The following MTHFD1L variants were observed in gnomAD, a reference collection of about 807,000 sequenced individuals.
MTHFD1L encodes the protein methylenetetrahydrofolate dehydrogenase (NADP+ dependent) 1 like, also known as monofunctional C1-tetrahydrofolate synthase, mitochondrial.
A neutral mutation model predicts 119.5 loss-of-function variants in MTHFD1L; 81 were observed. The ratio of observed to expected loss-of-function variants is 0.68; its 90% CI spans 0.57 to 0.82. MTHFD1L has a LOEUF of 0.82. MTHFD1L is among the 40% of genes least tolerant of loss of function. The probability of loss-of-function intolerance (pLI) is 0.00; values close to 1 mark genes in which losing one functional copy is unlikely to be tolerated. For synonymous variants in MTHFD1L, 430 were observed against 475.2 expected (o/e 0.90, Z 1.24); for missense variants, 1,125 against 1,253.4 (o/e 0.90, Z 1.55).
At chr6:150,979,222 G>A (rs755631674) in intron 20 of MTHFD1L, among the ~76,000 whole-genome samples, 2 of 152,116 alleles carry the variant, frequency 1.3e-5, no homozygotes, top group Admixed American at 6.6e-5. Flanking sequence ...TGGGCAACAA[G>A]AGCAAAACTC....
chr6:150,926,454 T>G lies in MTHFD1L; in HGVS notation c.1256+159T>G, dbSNP rs1444521923. ...CTTTATTTGGTGTGAGATAAGTTTT[T>G]ATTTTCAGTGCAGAGCAAACTAGTC... is the stretch of plus-strand genomic sequence containing the variant. On this transcript the variant is annotated intron_variant, in intron 11 of 27. Transcript: ENST00000367321. This position sits in a 1 kb window ranked among gnomAD's most constrained non-coding sequence, Gnocchi z 4.3. Among the ~76,000 whole-genome samples, 2 of 152,218 alleles carry G rather than the reference T, an allele frequency of 1.3e-5. No homozygotes were observed. The highest frequency in any genetic ancestry group is 4.8e-5 in the African/African-American group (2 of 41,452).
chr6:150,988,871 G>A (rs373763863), intron 20 of MTHFD1L, among the ~76,000 whole-genome samples: 73 of 152,318 alleles, frequency 4.8e-4, no homozygotes, highest in African/African-American at 1.7e-3. Context: ...CTCCCAAAGC[G>A]CTGGGATTAC....
intron 24 of MTHFD1L, among the ~76,000 whole-genome samples, chr6:151,018,825 A>G (rs925510245): frequency 2.0e-5 from 3 of 152,220 alleles, no homozygotes; most frequent in Admixed American, 2.0e-4. Flanking sequence ...GGAAGGACAC[A>G]GGGAATTAAT....
chr6:151,083,544 G>C (rs1258169035), intron 26 of MTHFD1L, among the ~76,000 whole-genome samples: 1 of 152,046 alleles, frequency 6.6e-6, no homozygotes, highest in African/African-American at 2.4e-5. Context: ...TTATCTTTCT[G>C]GTAATGAATA....
chr6:150,978,108 C>T (rs1776886438), intron 20 of MTHFD1L, among the ~76,000 whole-genome samples: 2 of 152,008 alleles, frequency 1.3e-5, no homozygotes, highest in Non-Finnish European at 2.9e-5. Flanking sequence ...ACCATGTTAG[C>T]CAGGCTGGTC....
At chr6:150,990,905 G>A (rs1009348605) in intron 20 of MTHFD1L, among the ~76,000 whole-genome samples, 2 of 152,140 alleles carry the variant, frequency 1.3e-5, no homozygotes, top group Non-Finnish European at 2.9e-5. Flanking sequence ...ACCCAGGCTG[G>A]AGCGCAGTGG....
At chr6:151,090,855 C>T (rs1434359468) in intron 26 of MTHFD1L, among the ~76,000 whole-genome samples, 1 of 145,710 alleles carries the variant, frequency 6.9e-6, no homozygotes, top group African/African-American at 2.6e-5. Context: ...CTCCATGTGA[C>T]TGGGTGCAGC....
intron 1 of MTHFD1L, among the ~76,000 whole-genome samples, chr6:150,868,434 G>T (rs1430683689): frequency 6.6e-6 from 1 of 151,474 alleles, no homozygotes; most frequent in East Asian, 2.0e-4. Context: ...CCGCCTCCCG[G>T]GTTCAAGCGA....
intron 20 of MTHFD1L, among the ~76,000 whole-genome samples, chr6:150,972,900 G>C (rs1798171202): frequency 6.6e-6 from 1 of 152,134 alleles, no homozygotes; most frequent in African/African-American, 2.4e-5. Flanking sequence ...TTCCTCTTTG[G>C]CTTTTCTTGC....
At chr6:150,872,826 CTTTT>C (rs879609305) in intron 1 of MTHFD1L, among the ~76,000 whole-genome samples, 1 of 141,202 alleles carries the variant, frequency 7.1e-6, no homozygotes. Context: ...CACCCCCCAA[CTTTT>C]TTTTTTTTTT....
chr6:150,946,214 A>G (rs1226897610), intron 15 of MTHFD1L, among the ~76,000 whole-genome samples: 1 of 152,122 alleles, frequency 6.6e-6, no homozygotes, highest in Non-Finnish European at 1.5e-5. Flanking sequence ...CAGTGGCATG[A>G]TCTTGGCTCA....
intron 22 of MTHFD1L, 52 bp from the exon 23 acceptor site, chr6:151,014,815 AGCTTGGCAGGTTT>A: frequency 7.9e-7 from 1 of 1,267,828 alleles, no homozygotes; most frequent in Non-Finnish European, 1.1e-6. Context: ...CTGGCAGTTT[AGCTTGGCAGGTTT>A]GGTGGGAGAC....
At chr6:150,903,203 A>AT (rs774695918) in intron 7 of MTHFD1L, among the ~76,000 whole-genome samples, 4,050 of 84,620 alleles carry the variant, frequency 0.048, 195 homozygotes, top group Non-Finnish European at 0.055. Context: ...TGGCTGCAAA[A>AT]TTTTTTTTTT....
intron 20 of MTHFD1L, among the ~76,000 whole-genome samples, chr6:151,004,688 A>C (rs1196335053): frequency 6.6e-6 from 1 of 152,210 alleles, no homozygotes; most frequent in African/African-American, 2.4e-5. Context: ...ACTCAGACCC[A>C]CTGACCCTTC....
intron 26 of MTHFD1L, among the ~76,000 whole-genome samples, chr6:151,086,262 T>C (rs1205458224): frequency 6.6e-6 from 1 of 152,156 alleles, no homozygotes; most frequent in African/African-American, 2.4e-5. Flanking sequence ...TTTCATTATA[T>C]AGTGTGTGTC....
intron 26 of MTHFD1L, among the ~76,000 whole-genome samples, chr6:151,046,061 T>C (rs1050756179): frequency 6.6e-6 from 1 of 152,198 alleles, no homozygotes; most frequent in African/African-American, 2.4e-5. Context: ...TACATAAGGT[T>C]ATCTAGGTCC....
chr6:150,964,393 T>G (rs1470729056), intron 18 of MTHFD1L, among the ~76,000 whole-genome samples: 1 of 152,192 alleles, frequency 6.6e-6, no homozygotes, highest in African/African-American at 2.4e-5. Flanking sequence ...GGCACCAGCT[T>G]GACTGTAGGA....
chr6:151,012,487 A>G (rs1018519260), intron 21 of MTHFD1L, among the ~76,000 whole-genome samples: 1 of 151,754 alleles, frequency 6.6e-6, no homozygotes, highest in African/African-American at 2.4e-5. Flanking sequence ...TTTTTTTTCC[A>G]TAATTTGTAC....
At chr6:150,965,441 A>G (rs1165089926) in intron 19 of MTHFD1L, among the ~76,000 whole-genome samples, 1 of 152,088 alleles carries the variant, frequency 6.6e-6, no homozygotes, top group African/African-American at 2.4e-5. Context: ...TGGGCGGATT[A>G]TGAGGTCAGG....
Sources: allele counts gnomAD v4.1 joint callset (sites outside exome capture counted in the v4.1 genomes callset), GRCh38; gene constraint gnomAD v4.1.1; non-coding constraint Gnocchi (gnomAD v3.1); transcripts MANE v1.5; gene names NCBI Gene and HGNC (gene_info 2026-07-23, HGNC 2026-07-21).